Variants in CHMP3 observed in about 807,000 individuals in gnomAD.
CHMP3 encodes 25.1 protein.
Under a neutral mutation model 27.4 loss-of-function variants are expected in CHMP3, and 8 were observed. The ratio of observed to expected loss-of-function variants is 0.29; its 90% confidence interval spans 0.17 to 0.53. The LOEUF is 0.53. Among genes scored for constraint, CHMP3 ranks in the 20% least tolerant of loss-of-function variants. The pLI, the probability that CHMP3 is intolerant of heterozygous loss-of-function variation, is 0.96. For synonymous variants in CHMP3, 86 were observed against 85.5 expected, an observed-to-expected ratio of 1.01 and a Z score of -0.03; for missense variants, 208 against 271.5, an observed-to-expected ratio of 0.77 and a Z score of 1.64.
chr2:86,510,313 T>A lies in CHMP3; in HGVS notation c.408+45A>T, dbSNP rs185792358. On this transcript the variant is annotated intron_variant, in intron 4 of 5. Transcript: ENST00000263856. Reference sequence around the variant, plus strand: ...CTAGCCCCCTGTTACTTGTTTAGAGTGACTCTGGGGTTTGGAAAGGAAAGC... The same window carrying A: ...CTAGCCCCCTGTTACTTGTTTAGAGAGACTCTGGGGTTTGGAAAGGAAAGC... 1.9e-4 allele frequency: 295 copies of A among 1,591,938 alleles called. 2 individuals carry two copies. Among genetic ancestry groups the A allele is most frequent in the Non-Finnish European group, 2.0e-4 (238 of 1,166,088 alleles).
chr2:86,528,615 G>C (rs1281918005), intron 3 of CHMP3, among the ~76,000 whole-genome samples: 1 of 152,122 alleles, frequency 6.6e-6, no homozygotes, highest in Non-Finnish European at 1.5e-5. Flanking sequence ...TGGAAATTAA[G>C]AAAAGAAACC....
At chr2:86,553,581 C>T (rs765986291) in intron 1 of CHMP3, among the ~76,000 whole-genome samples, 4 of 152,170 alleles carry the variant, frequency 2.6e-5, no homozygotes, top group Non-Finnish European at 4.4e-5. Flanking sequence ...CCACCCGCCT[C>T]GGCCTCCCAA....
chr2:86,514,127 G>A (rs1675204872), intron 3 of CHMP3, among the ~76,000 whole-genome samples: 1 of 152,168 alleles, frequency 6.6e-6, no homozygotes, highest in Non-Finnish European at 1.5e-5. Context: ...ACCTTGGTGT[G>A]CTGCTGGTCA....
chr2:86,536,220 G>A (rs111753724), intron 2 of CHMP3, among the ~76,000 whole-genome samples: 8 of 150,952 alleles, frequency 5.3e-5, no homozygotes, highest in Admixed American at 2.0e-4. Flanking sequence ...GGATGGTCTC[G>A]ATCTCCTGAC....
intron 2 of CHMP3, among the ~76,000 whole-genome samples, chr2:86,535,146 C>T (rs561212423): frequency 6.6e-6 from 1 of 151,258 alleles, no homozygotes; most frequent in Non-Finnish European, 1.5e-5. Flanking sequence ...GTCCCAGGTA[C>T]TTGGCAGGCT....
chr2:86,552,263 C>G (rs1011050333), intron 1 of CHMP3, among the ~76,000 whole-genome samples: 1 of 152,074 alleles, frequency 6.6e-6, no homozygotes, highest in Non-Finnish European at 1.5e-5. Context: ...TTGATACCAC[C>G]GGATATTATT....
At chr2:86,523,197 T>C (rs1368145545) in intron 3 of CHMP3, among the ~76,000 whole-genome samples, 2 of 152,270 alleles carry the variant, frequency 1.3e-5, no homozygotes, top group Admixed American at 1.3e-4. Flanking sequence ...CCTTCCGTGT[T>C]GGGAATGCAC....
At chr2:86,549,655 G>A (rs1402676855) in intron 1 of CHMP3, among the ~76,000 whole-genome samples, 27 of 148,426 alleles carry the variant, frequency 1.8e-4, no homozygotes, top group African/African-American at 6.0e-4. Context: ...GGGCAGAGGC[G>A]CCCCTCACTT....
chr2:86,512,600 T>G (rs1675145241), intron 3 of CHMP3: 1 of 152,092 alleles, frequency 6.6e-6, no homozygotes, highest in African/African-American at 2.4e-5. Context: ...AGCCCCAAGC[T>G]GCAGGAAAAT....
intron 1 of CHMP3, among the ~76,000 whole-genome samples, chr2:86,557,288 C>G (rs936754652): frequency 6.6e-6 from 1 of 152,158 alleles, no homozygotes; most frequent in African/African-American, 2.4e-5. Flanking sequence ...TGCACTCATC[C>G]CACATGCAGT....
Position 86,563,329 on chromosome 2 carries a change from G to A in CHMP3, c.20C>T (p.Thr7Ile), listed in dbSNP as rs1253519911. 3 of 1,614,010 alleles carry A rather than the reference G, an allele frequency of 1.9e-6. No homozygotes were observed. In the African/African-American group the frequency reaches 4.0e-5, roughly 22 times the overall value. ...CAGTTCTTTGGGCGGCTTCTCCTGG[G>A]TCTTTCCAAACAGCCCCATGACGAA... MGLFGK[T>I]QEKPPKELVN... Residue 7 changes from threonine to isoleucine, a missense_variant, in exon 1 of 6, where the codon ACC (threonine) becomes ATC (isoleucine). By Grantham distance (89) the Thr-to-Ile change is moderately conservative. Transcript: ENST00000263856.
intron 3 of CHMP3, chr2:86,527,047 C>T (rs1675741454): frequency 6.6e-6 from 1 of 151,886 alleles, no homozygotes; most frequent in South Asian, 2.1e-4. Context: ...GGAGCTTCAA[C>T]TTTTGTAATA....
At chr2:86,516,884 C>T (rs561473464) in intron 3 of CHMP3, among the ~76,000 whole-genome samples, 57 of 152,226 alleles carry the variant, frequency 3.7e-4, no homozygotes, top group African/African-American at 1.3e-3. Context: ...GAGGAAAGTA[C>T]GTGTGGCTAT....
At chr2:86,514,317 A>G (rs911486426) in intron 3 of CHMP3, among the ~76,000 whole-genome samples, 2 of 152,382 alleles carry the variant, frequency 1.3e-5, no homozygotes, top group South Asian at 2.1e-4. Context: ...CTTAGTTAAT[A>G]TAACAAAAGA....
chr2:86,530,087 C>T (rs55688177), intron 2 of CHMP3, among the ~76,000 whole-genome samples: 29,657 of 151,884 alleles, frequency 0.2, 3,758 homozygotes, highest in African/African-American at 0.35. Context: ...CTCCACCTCC[C>T]GGGTTTGAAG....
At chr2:86,556,704 T>G (rs1397685710) in intron 1 of CHMP3, among the ~76,000 whole-genome samples, 2 of 152,172 alleles carry the variant, frequency 1.3e-5, no homozygotes, top group Non-Finnish European at 2.9e-5. Context: ...ACAAGTGTGT[T>G]GACTCAAAGC....
At chr2:86,546,373 G>GC (rs892987127) in intron 1 of CHMP3, among the ~76,000 whole-genome samples, 1 of 151,720 alleles carries the variant, frequency 6.6e-6, no homozygotes, top group Non-Finnish European at 1.5e-5. Flanking sequence ...GGAGGGGAAG[G>GC]GGGGGAGGGG....
At position 86,563,407 on chromosome 2, in the gene CHMP3, A is replaced by T. The variant is rs997652588; in HGVS notation, c.-59T>A. ...TCAGTTCCCCGCGCCCAGGCAGGTC[A>T]CGGGCAGCCGCCTGGGCGGGGCCCG... On this transcript the variant is annotated 5_prime_UTR_variant, in exon 1 of 6. Coordinates refer to ENST00000263856, the MANE Select transcript of CHMP3 (RefSeq NM_016079.4). 2.0e-5 allele frequency: 32 copies of T among 1,595,222 alleles called. No homozygotes were observed. The highest frequency in any genetic ancestry group is 2.2e-5 in the East Asian group (1 of 44,726).
chr2:86,547,934 TCA>T (rs1007624349), intron 1 of CHMP3, among the ~76,000 whole-genome samples: 1 of 152,238 alleles, frequency 6.6e-6, no homozygotes, highest in African/African-American at 2.4e-5. Flanking sequence ...TCAAATTCAT[TCA>T]CAGAGGTCTA....
Sources: allele counts gnomAD v4.1 joint callset (sites outside exome capture counted in the v4.1 genomes callset), GRCh38; gene constraint gnomAD v4.1.1; transcripts MANE v1.5; gene names NCBI Gene and HGNC (gene_info 2026-07-23, HGNC 2026-07-21).